Variants in MACROD2 observed in about 807,000 individuals in gnomAD.
MACROD2 encodes the protein mono-ADP ribosylhydrolase 2.
In MACROD2, 36 loss-of-function variants were observed where a neutral mutation model predicts 70.4. The ratio of observed to expected loss-of-function variants is 0.51; its 90% confidence interval spans 0.39 to 0.68. The LOEUF (loss-of-function observed/expected upper bound fraction) is 0.68. MACROD2 is among the 30% of genes least tolerant of loss of function. The pLI is 0.00. For synonymous variants in MACROD2, 172 were observed against 178.8 expected (o/e 0.96, Z 0.30); for missense variants, 496 against 538.4 (o/e 0.92, Z 0.78).
At chr20:15,171,927 G>A (rs943594617) in intron 5 of MACROD2, among the ~76,000 whole-genome samples, 1 of 152,058 alleles carries the variant, frequency 6.6e-6, no homozygotes, top group Non-Finnish European at 1.5e-5. Context: ...CCTTGCACAT[G>A]GAAGGTGCTT....
chr20:15,340,130 CTTTTTTTTTTTTTTTTT>C (rs869080087), intron 6 of MACROD2, among the ~76,000 whole-genome samples: 2 of 39,288 alleles, frequency 5.1e-5, no homozygotes, highest in Non-Finnish European at 8.6e-5. Context: ...TTCTTTCTTT[CTTTTTTTTTTTTTTTTT>C]TTTTTTTTTG....
At chr20:15,011,297 A>G (rs2075080631) in intron 5 of MACROD2, among the ~76,000 whole-genome samples, 1 of 152,076 alleles carries the variant, frequency 6.6e-6, no homozygotes, top group South Asian at 2.1e-4. Flanking sequence ...CAGGAAAGAG[A>G]GAAGGAAAGA....
intron 3 of MACROD2, chr20:14,327,075 G>A: frequency 6.2e-7 from 1 of 1,613,758 alleles, no homozygotes; most frequent in Non-Finnish European, 8.5e-7. Context: ...CCTCTTCTAT[G>A]CTAACTGCAG....
intron 5 of MACROD2, among the ~76,000 whole-genome samples, chr20:15,014,876 C>T (rs531864319): frequency 6.6e-6 from 1 of 152,168 alleles, no homozygotes; most frequent in East Asian, 1.9e-4. Context: ...TTGATGTTGT[C>T]CATAAGCTTT....
intron 8 of MACROD2, among the ~76,000 whole-genome samples, chr20:15,671,190 G>A (rs934448948): frequency 6.6e-5 from 10 of 152,060 alleles, no homozygotes; most frequent in African/African-American, 2.2e-4. Context: ...CCTCTGTTTG[G>A]CCTCTTCTCT....
intron 8 of MACROD2, among the ~76,000 whole-genome samples, chr20:15,755,716 T>C (rs1371610489): frequency 1.3e-5 from 2 of 152,178 alleles, no homozygotes; most frequent in Non-Finnish European, 2.9e-5. Flanking sequence ...GTACCCAACA[T>C]TGTGCCTGAA....
intron 5 of MACROD2, among the ~76,000 whole-genome samples, chr20:14,717,720 G>A (rs2071412720): frequency 1.3e-5 from 2 of 152,070 alleles, no homozygotes; most frequent in Admixed American, 6.6e-5. Flanking sequence ...AGAGGTAATA[G>A]AACTGATCCT....
At chr20:14,798,910 G>A (rs2072541961) in intron 5 of MACROD2, among the ~76,000 whole-genome samples, 1 of 151,908 alleles carries the variant, frequency 6.6e-6, no homozygotes, top group African/African-American at 2.4e-5. Context: ...TATGATGCAA[G>A]AATGTGATAA....
At chr20:15,427,402 C>G (rs1448789707) in intron 6 of MACROD2, among the ~76,000 whole-genome samples, 1 of 152,188 alleles carries the variant, frequency 6.6e-6, no homozygotes, top group Non-Finnish European at 1.5e-5. Flanking sequence ...TCTGCTAGAT[C>G]TGATAGGAGA....
chr20:14,029,451 A>T (rs2053220669), intron 2 of MACROD2, among the ~76,000 whole-genome samples: 1 of 152,218 alleles, frequency 6.6e-6, no homozygotes, highest in Non-Finnish European at 1.5e-5. Context: ...TAAAATAATT[A>T]CAGTTTATCA....
intron 3 of MACROD2, among the ~76,000 whole-genome samples, chr20:14,200,355 AC>A (rs2081469024): frequency 1.3e-5 from 2 of 152,162 alleles, no homozygotes; most frequent in Admixed American, 1.3e-4. Context: ...GGGGAACAAC[AC>A]ACACTGGGGC....
chr20:14,277,364 C>T (rs2082268520), intron 3 of MACROD2, among the ~76,000 whole-genome samples: 1 of 152,170 alleles, frequency 6.6e-6, no homozygotes, highest in African/African-American at 2.4e-5. Context: ...AGTTGAGAAT[C>T]GCTTGAACCC....
intron 3 of MACROD2, among the ~76,000 whole-genome samples, chr20:14,149,269 A>G (rs2054983917): frequency 1.3e-5 from 2 of 150,040 alleles, no homozygotes; most frequent in African/African-American, 4.9e-5. Context: ...TTCTGTTCCT[A>G]TGTTAATTCG....
chr20:15,877,364 C>T (rs1004362013), intron 9 of MACROD2, among the ~76,000 whole-genome samples: 28 of 152,194 alleles, frequency 1.8e-4, no homozygotes, highest in African/African-American at 5.1e-4. Context: ...CAGCATCAGG[C>T]GGTGCCTTTT....
intron 5 of MACROD2, among the ~76,000 whole-genome samples, chr20:15,179,724 C>T (rs1456705342): frequency 6.6e-6 from 1 of 152,200 alleles, no homozygotes; most frequent in Admixed American, 6.5e-5. Context: ...TGAATTACAG[C>T]ATGCTGCAAG....
intron 3 of MACROD2, among the ~76,000 whole-genome samples, chr20:14,469,173 T>C (rs2084496879): frequency 6.6e-6 from 1 of 151,504 alleles, no homozygotes. Flanking sequence ...ATTTTTTTTC[T>C]CCTTTGCTTA....
intron 4 of MACROD2, among the ~76,000 whole-genome samples, chr20:14,580,184 C>T (rs1980914557): frequency 6.6e-6 from 1 of 152,066 alleles, no homozygotes; most frequent in African/African-American, 2.4e-5. Context: ...AGATGGAGAC[C>T]AGTTTGAAAG....
At chr20:14,356,093 C>T (rs2083169669) in intron 3 of MACROD2, among the ~76,000 whole-genome samples, 1 of 152,114 alleles carries the variant, frequency 6.6e-6, no homozygotes, top group Non-Finnish European at 1.5e-5. Flanking sequence ...GCCAGAGTTT[C>T]TAGTTTATAG....
intron 6 of MACROD2, among the ~76,000 whole-genome samples, chr20:15,240,652 A>G (rs1340798934): frequency 1.3e-5 from 2 of 152,220 alleles, no homozygotes; most frequent in Admixed American, 1.3e-4. Flanking sequence ...GGTTCTATGT[A>G]TGGACTGAAT....
Sources: gnomAD v4.1 joint callset for allele counts (sites outside exome capture counted in the v4.1 genomes callset) on GRCh38, gnomAD v4.1.1 for gene constraint, MANE v1.5 for transcripts, NCBI Gene and HGNC (gene_info 2026-07-23, HGNC 2026-07-21) for gene names.